The following CPT1B variants were observed in gnomAD, a reference collection of about 807,000 sequenced individuals.
The protein encoded by CPT1B is carnitine palmitoyltransferase 1B, also known as carnitine O-palmitoyltransferase 1, muscle isoform.
In CPT1B, 57 loss-of-function variants were observed where a neutral mutation model predicts 92.7. The ratio of observed to expected loss-of-function variants is 0.62; its 90% CI spans 0.50 to 0.77. CPT1B has a LOEUF of 0.77. Among genes scored for constraint, CPT1B ranks in the 30% least tolerant of loss-of-function variants. The pLI is 0.00. For synonymous variants in CPT1B, 398 were observed against 383.5 expected, an observed-to-expected ratio of 1.04 and a Z score of -0.44; for missense variants, 983 against 1,017.4, an observed-to-expected ratio of 0.97 and a Z score of 0.46.
chr22:50,572,031 C>T lies in CPT1B; in HGVS notation c.1550G>A (p.Arg517Gln), dbSNP rs149756287. 68 of 1,614,100 alleles carry T rather than the reference C, an allele frequency of 4.2e-5. No homozygotes were observed. The African/African-American group carries it at 8.0e-4, about 19-fold the overall frequency. ...CTGTTTTGGAATGTCCCACTGCAGC[C>T]GTGTAGGAGGTGCGAGCGCAGGGTT... is the stretch of plus-strand genomic sequence containing the variant. ...KPNPALAPPT[R>Q]LQWDIPKQCQ... is the part of the protein sequence containing the mutation. The change falls in exon 13 of 20, where the codon CGG becomes CAG. Residue 517 changes from arginine to glutamine, a missense_variant. Coordinates refer to ENST00000312108, the MANE Select transcript of CPT1B (RefSeq NM_152246.3).
intron 17 of CPT1B, 95 bp from the exon 18 acceptor site, chr22:50,569,763 C>G: frequency 1.8e-6 from 2 of 1,091,114 alleles, no homozygotes; most frequent in South Asian, 1.3e-5. Context: ...ACAAGAGTTG[C>G]AGGAACGGGC....
At chr22:50,577,625 C>G in intron 2 of CPT1B, 150 bp downstream of exon 2, 1 of 1,406,436 alleles carries the variant, frequency 7.1e-7, no homozygotes, top group Non-Finnish European at 9.7e-7. Flanking sequence ...TGTGTCCGAC[C>G]ACATCCTGTG....
chr22:50,570,423 A>C lies in CPT1B; in HGVS notation c.2029-17T>G. 1 of 1,555,434 alleles carries C rather than the reference A, an allele frequency of 6.4e-7. No individual in the cohort carries two copies. Among genetic ancestry groups the C allele is most frequent in the Non-Finnish European group, 8.7e-7 (1 of 1,144,178 alleles). ...CGAGAGCACCTGCAATGGAGGCCAC[A>C]GCTGGTCAGAGGCCACATACCCAAA... On this transcript the variant is annotated splice_polypyrimidine_tract_variant and intron_variant, in intron 16 of 19. Coordinates refer to ENST00000312108, the MANE Select transcript of CPT1B (RefSeq NM_152246.3).
At position 50,572,172 on chromosome 22, in the gene CPT1B, G is replaced by C. The variant is rs750227778; in HGVS notation, c.1458+31C>G. ...AGGCTGGCCTCATCCCCTACAGCCT[G>C]CCCTGCAGGTTCCCTCTGCAAGGCT... On this transcript the variant is annotated intron_variant, in intron 12 of 19. Coordinates refer to ENST00000312108, the MANE Select transcript of CPT1B (RefSeq NM_152246.3). 2.5e-5 allele frequency: 40 copies of C among 1,610,280 alleles called. 1 individual carries two copies. The South Asian group carries it at 4.4e-4, about 18-fold the overall frequency.
At position 50,573,118 on chromosome 22, in the gene CPT1B, G is replaced by T. The variant is rs1375229813; in HGVS notation, c.1167-58C>A. The stretch of plus-strand genomic sequence containing the variant: ...GTGGACTTGGGATGAGGGTGCCTCT[G>T]AGGGCCTGGCTGGACCTGGAGATGG... On this transcript the variant is annotated intron_variant, in intron 10 of 19. Coordinates refer to ENST00000312108, the MANE Select transcript of CPT1B (RefSeq NM_152246.3). The surrounding 1 kb of genome is among the most constrained non-coding windows in gnomAD (Gnocchi z 5.0). 6.8e-7 allele frequency: 1 copy of T among 1,476,932 alleles called. No individual in the cohort carries two copies. The highest frequency in any genetic ancestry group is 9.2e-7 in the Non-Finnish European group (1 of 1,082,936). The allele number at this position is 1,476,932 out of a possible 1,614,324, so 91.5% of individuals were successfully genotyped here.
rs1222474925 is a variant in CPT1B, at chr22:50,573,766, G to A, written c.971-51C>T. 2 of 1,540,630 alleles carry A rather than the reference G, an allele frequency of 1.3e-6. No individual in the cohort carries two copies. Among genetic ancestry groups the A allele is most frequent in the Admixed American group, 3.6e-5 (2 of 55,392 alleles). The stretch of plus-strand genomic sequence containing the variant: ...GAGGCGGGGCCCCCAGCTACATCCT[G>A]GGAAGGGCCCACCTCCCATGCACTA... On this transcript the variant is annotated intron_variant, in intron 9 of 19. Coordinates refer to ENST00000312108, the MANE Select transcript of CPT1B (RefSeq NM_152246.3). The surrounding 1 kb of genome is among the most constrained non-coding windows in gnomAD (Gnocchi z 5.0).
chr22:50,569,431 C>G lies in CPT1B; in HGVS notation c.2236-10G>C, dbSNP rs2070046972. On this transcript the variant is annotated splice_polypyrimidine_tract_variant and intron_variant, in intron 18 of 19. Coordinates refer to ENST00000312108, the MANE Select transcript of CPT1B (RefSeq NM_152246.3). ...CAAAGCGCTGGGCGTTCTGTGGGAG[C>G]CAAGAGTTCAGATGCACCTTCAGAT... 2 of 1,613,982 alleles carry G rather than the reference C, an allele frequency of 1.2e-6. No homozygotes were observed. Among genetic ancestry groups the G allele is most frequent in the Non-Finnish European group, 1.7e-6 (2 of 1,179,960 alleles).
Position 50,576,308 on chromosome 22 carries a change from C to A in CPT1B, c.589G>T (p.Asp197Tyr). ...RYLESVRPLLDDEEYYRMELL... is the reference protein window; with the variant it reads ...RYLESVRPLLYDEEYYRMELL... The stretch of plus-strand genomic sequence containing the variant: ...TCCATGCGGTAATATTCCTCATCAT[C>A]CAACAAGGGGCGCACAGACTCTAGG... The change falls in exon 6 of 20, where the codon GAT (aspartate) becomes TAT (tyrosine). Residue 197 changes from aspartate (D) to tyrosine (Y), a missense_variant. Coordinates refer to ENST00000312108, the MANE Select transcript of CPT1B (RefSeq NM_152246.3). 6.2e-7 allele frequency: 1 copy of A among 1,614,060 alleles called. No individual in the cohort carries two copies. Among genetic ancestry groups the A allele is most frequent in the Middle Eastern group, 1.6e-4 (1 of 6,062 alleles).
chr22:50,576,376 G>A (rs1471729634), intron 5 of CPT1B, 41 bp from the exon 6 acceptor site: 2 of 1,613,484 alleles, frequency 1.2e-6, no homozygotes, highest in South Asian at 1.1e-5. Context: ...CAGATGGCAA[G>A]GGCTGCCTCT....
chr22:50,577,939 G>T lies in CPT1B; in HGVS notation c.-19-5C>A. 3.8e-6 allele frequency: 6 copies of T among 1,599,330 alleles called. No individual in the cohort carries two copies. The highest frequency in any genetic ancestry group is 5.1e-6 in the Non-Finnish European group (6 of 1,171,032). ...ATCCTGGGGGTTGGTCGGCACCTAG[G>T]ACGGGGGCAGATGGGTGCGCGGGCG... On this transcript the variant is annotated splice_region_variant and splice_polypyrimidine_tract_variant and intron_variant, in intron 1 of 19. Transcript: ENST00000312108.
chr22:50,571,676 A>C, intron 13 of CPT1B, 137 bp from the exon 14 acceptor site: 1 of 1,010,288 alleles, frequency 9.9e-7, no homozygotes, highest in Non-Finnish European at 1.5e-6. Context: ...AGGGTACGCA[A>C]AAGACAGTCT....
At chr22:50,575,230 C>T (rs965947726) in intron 7 of CPT1B, among the ~76,000 whole-genome samples, 2 of 152,118 alleles carry the variant, frequency 1.3e-5, no homozygotes, top group South Asian at 2.1e-4. Flanking sequence ...AGGATGCTCT[C>T]GATCTCCTGA....
Position 50,572,080 on chromosome 22 carries a change from T to A in CPT1B, c.1501A>T (p.Thr501Ser). The A allele has an allele frequency of 6.2e-7, 1 of 1,614,104 alleles. No individual in the cohort carries two copies. Among genetic ancestry groups the A allele is most frequent in the Non-Finnish European group, 8.5e-7 (1 of 1,180,006 alleles). The change falls in exon 13 of 20, where the codon ACC (threonine) becomes TCC (serine). Residue 501 changes from threonine (T) to serine (S), a missense_variant. Physicochemically the swap from Thr to Ser is moderately conservative, Grantham distance 58 (BLOSUM62 1). Transcript: ENST00000312108. ...TDSFHLGYTE[T>S]GHCLGKPNPA... ...TTCGGTTTGCCCAGGCAGTGCCCGGTCTCCGTGTAGCCCAGGTGGAAGCTG... is the reference window on the plus strand; with the variant it reads ...TTCGGTTTGCCCAGGCAGTGCCCGGACTCCGTGTAGCCCAGGTGGAAGCTG...
intron 9 of CPT1B, 57 bp downstream of exon 9, chr22:50,574,278 A>G: frequency 2.9e-6 from 4 of 1,397,780 alleles, no homozygotes; most frequent in Non-Finnish European, 4.0e-6. Context: ...ATGAGCAGGC[A>G]GGAGGGCAGC....
At chr22:50,574,766 C>T (rs746345779) in intron 7 of CPT1B, 166 bp from the exon 8 acceptor site, 27 of 609,290 alleles carry the variant, frequency 4.4e-5, no homozygotes, top group Non-Finnish European at 7.0e-5. Flanking sequence ...CACAACTGAT[C>T]GCAGTAACCC....
chr22:50,577,147 T>A (rs1037307932), intron 3 of CPT1B, 113 bp from the exon 4 acceptor site: 31 of 1,394,932 alleles, frequency 2.2e-5, no homozygotes, highest in Non-Finnish European at 3.0e-5. Context: ...CACACTCATG[T>A]CTGACTGCAT....
In CPT1B at chr22:50,576,547, T is replaced by C; in HGVS notation, c.550A>G (p.Thr184Ala). ...AGCGAGGCCCTCACCCGCTGAATTG[T>C]GGCTGACACCCTGGGCACAGGAAGC... ...PKLPVPRVSA[T>A]IQRYLESVRP... Residue 184 changes from threonine to alanine, a missense_variant, in exon 5 of 20, where the codon ACA becomes GCA. By Grantham distance (58) the Thr-to-Ala change is moderately conservative (BLOSUM62 0). Transcript: ENST00000312108. The C allele has an allele frequency of 6.2e-7, 1 of 1,604,076 alleles. No individual in the cohort carries two copies. Among genetic ancestry groups the C allele is most frequent in the South Asian group, 1.1e-5 (1 of 89,842 alleles).
chr22:50,577,191 G>T, intron 3 of CPT1B, 133 bp downstream of exon 3: 1 of 1,388,236 alleles, frequency 7.2e-7, no homozygotes. Context: ...GACAATGGTT[G>T]TCATAGGGGA....
intron 17 of CPT1B, among the ~76,000 whole-genome samples, 185 bp from the exon 18 acceptor site, chr22:50,569,853 C>A (rs1034598468): frequency 2.0e-5 from 3 of 152,220 alleles, no homozygotes; most frequent in African/African-American, 7.2e-5. Flanking sequence ...CCAGACCCCG[C>A]CAAGGGATCT....
Sources: allele counts gnomAD v4.1 joint callset (sites outside exome capture counted in the v4.1 genomes callset), GRCh38; gene constraint gnomAD v4.1.1; non-coding constraint Gnocchi (gnomAD v3.1); transcripts MANE v1.5; gene names NCBI Gene and HGNC (gene_info 2026-07-23, HGNC 2026-07-21).